The following ATF7IP variants were observed in gnomAD, a reference collection of about 807,000 sequenced individuals.
ATF7IP encodes the protein activating transcription factor 7 interacting protein.
Under a neutral mutation model 106.4 loss-of-function variants are expected in ATF7IP, and 23 were observed. The observed-to-expected ratio is 0.22, with a 90% confidence interval of 0.16 to 0.31. The LOEUF (loss-of-function observed/expected upper bound fraction) is 0.31. Among genes scored for constraint, ATF7IP ranks in the 10% least tolerant of loss-of-function variants. The pLI is 1.00. For synonymous variants in ATF7IP, 542 were observed against 539.0 expected, an observed-to-expected ratio of 1.01 and a Z score of -0.08; for missense variants, 1,334 against 1,524.3, an observed-to-expected ratio of 0.88 and a Z score of 2.08.
chr12:14,385,128 C>G (rs1475003901), intron 1 of ATF7IP: 17 of 381,932 alleles, frequency 4.5e-5, no homozygotes, highest in Non-Finnish European at 4.7e-6. Context: ...TTTTCTGTGT[C>G]CTGTGTAGCT....
chr12:14,501,936 A>C lies in ATF7IP; in HGVS notation c.*3863A>C, dbSNP rs538470420. On this transcript the variant is annotated 3_prime_UTR_variant, in exon 15 of 15. Transcript: ENST00000261168. ...TGGTATTCATTTATCTTGTTTCATGAACTTTCCAGTACTGTACAAGGTCAA... is the reference window on the plus strand; with the variant it reads ...TGGTATTCATTTATCTTGTTTCATGCACTTTCCAGTACTGTACAAGGTCAA... The C allele has an allele frequency of 6.6e-6, 1 of 152,366 alleles. No homozygotes were observed. Among genetic ancestry groups the C allele is most frequent in the South Asian group, 2.1e-4 (1 of 4,832 alleles). The allele number at this position is 152,366 out of a possible 1,614,324, so 9.4% of individuals were successfully genotyped here. A position where few individuals can be genotyped will look rare whatever the true frequency, so the allele number is the denominator to read the frequency against.
intron 1 of ATF7IP, among the ~76,000 whole-genome samples, chr12:14,386,510 G>A (rs1454372262): frequency 6.6e-6 from 1 of 152,072 alleles, no homozygotes; most frequent in East Asian, 1.9e-4. Context: ...GAGTAGAGCA[G>A]CTTTCTAAAA....
At chr12:14,467,436 C>G (rs980472894) in intron 10 of ATF7IP, among the ~76,000 whole-genome samples, 12 of 152,134 alleles carry the variant, frequency 7.9e-5, no homozygotes, top group African/African-American at 2.9e-4. Flanking sequence ...AATATCTTAA[C>G]TTCTTAGAAA....
intron 6 of ATF7IP, among the ~76,000 whole-genome samples, chr12:14,453,935 A>G (rs1202024577): frequency 1.3e-5 from 2 of 152,154 alleles, no homozygotes; most frequent in African/African-American, 4.8e-5. Flanking sequence ...AGAGTGTCTT[A>G]ATGATAGTTA....
rs551743672 is a variant in ATF7IP, at chr12:14,502,643, A to C, written c.*4570A>C. On this transcript the variant is annotated 3_prime_UTR_variant, in exon 15 of 15. Transcript: ENST00000261168. The stretch of plus-strand genomic sequence containing the variant: ...AGCCATTTTAAAATTAAATATAAAA[A>C]TCCTTTGTAAGAAACTTGCATCCTA... 2 of 152,278 alleles carry C rather than the reference A, an allele frequency of 1.3e-5. No homozygotes were observed. Among genetic ancestry groups the C allele is most frequent in the South Asian group, 4.1e-4 (2 of 4,828 alleles). 9.4% of individuals were successfully genotyped at this position (152,278 alleles called of 1,614,324 possible).
chr12:14,452,479 C>T (rs1413402870), intron 6 of ATF7IP, among the ~76,000 whole-genome samples: 3 of 151,560 alleles, frequency 2.0e-5, no homozygotes, highest in African/African-American at 7.3e-5. Flanking sequence ...TGCTTTCATT[C>T]CTTTTACAGT....
In ATF7IP at chr12:14,423,922, A is replaced by G; in HGVS notation, c.7A>G (p.Ser3Gly). The G allele has an allele frequency of 1.3e-6, 2 of 1,588,964 alleles. No individual in the cohort carries two copies. Among genetic ancestry groups the G allele is most frequent in the Non-Finnish European group, 8.5e-7 (1 of 1,170,464 alleles). The change falls in exon 2 of 15, where the codon AGT (serine) becomes GGT (glycine). Residue 3 changes from serine (S) to glycine (G), a missense_variant. By Grantham distance (56) the Ser-to-Gly change is moderately conservative. Coordinates refer to ENST00000261168, the MANE Select transcript of ATF7IP (RefSeq NM_018179.5). MD[S>G]LEEPQKKVFK... The stretch of plus-strand genomic sequence containing the variant: ...TTTTTCTTAAAGATTCAGAATGGAC[A>G]GTTTAGAAGAACCTCAGAAAAAAGT...
At chr12:14,456,753 C>T in intron 7 of ATF7IP, 119 bp downstream of exon 7, 1 of 699,508 alleles carries the variant, frequency 1.4e-6, no homozygotes, top group Non-Finnish European at 2.4e-6. Context: ...GTTTGGTGTA[C>T]TTGGTTAGTA....
chr12:14,483,089 C>G (rs1944479823), intron 13 of ATF7IP, among the ~76,000 whole-genome samples: 1 of 152,206 alleles, frequency 6.6e-6, no homozygotes, highest in South Asian at 2.1e-4. Flanking sequence ...GAGTTGGCAA[C>G]TGGTCACATG....
intron 6 of ATF7IP, among the ~76,000 whole-genome samples, chr12:14,453,593 TTC>T (rs933149471): frequency 7.2e-5 from 11 of 152,244 alleles, no homozygotes; most frequent in Middle Eastern, 3.4e-3. Flanking sequence ...TTTTGCTGTT[TTC>T]TGTCGTCTCT....
intron 1 of ATF7IP, chr12:14,385,380 T>C: frequency 1.3e-6 from 2 of 1,533,962 alleles, no homozygotes; most frequent in Non-Finnish European, 1.7e-6. Context: ...AGGAGACTTG[T>C]CACATGCATC....
intron 10 of ATF7IP, among the ~76,000 whole-genome samples, chr12:14,471,945 G>GTCTT (rs1157166337): frequency 2.0e-5 from 3 of 152,048 alleles, no homozygotes; most frequent in Admixed American, 2.0e-4. Context: ...ATGATCATTG[G>GTCTT]AAAAAGGCAA....
At chr12:14,408,924 T>C (rs1045438141) in intron 1 of ATF7IP, among the ~76,000 whole-genome samples, 1 of 152,130 alleles carries the variant, frequency 6.6e-6, no homozygotes, top group Non-Finnish European at 1.5e-5. Context: ...TTAATTGTAT[T>C]CTATGTGCTC....
intron 6 of ATF7IP, among the ~76,000 whole-genome samples, chr12:14,448,158 T>C (rs1214885630): frequency 6.6e-6 from 1 of 152,192 alleles, no homozygotes; most frequent in East Asian, 1.9e-4. Flanking sequence ...TATCAATAAA[T>C]AGTAATCATT....
Position 14,500,796 on chromosome 12 carries a change from T to C in ATF7IP, c.*2723T>C, listed in dbSNP as rs1050129461. On this transcript the variant is annotated 3_prime_UTR_variant, in exon 15 of 15. Coordinates refer to ENST00000261168, the MANE Select transcript of ATF7IP (RefSeq NM_018179.5). Reference sequence around the variant, plus strand: ...AAAGCCCAGTAGAATAAAAAAAAAATTCATTAGCCTAGCCTATATTATGTT... The same window carrying C: ...AAAGCCCAGTAGAATAAAAAAAAAACTCATTAGCCTAGCCTATATTATGTT... 6.6e-6 allele frequency: 1 copy of C among 152,058 alleles called. No homozygotes were observed. The highest frequency in any genetic ancestry group is 6.6e-5 in the Admixed American group (1 of 15,248). 9.4% of individuals were successfully genotyped at this position (152,058 alleles called of 1,614,324 possible).
intron 1 of ATF7IP, chr12:14,369,051 A>G (rs913893226): frequency 3.3e-5 from 5 of 151,764 alleles, no homozygotes; most frequent in Non-Finnish European, 7.4e-5. Context: ...CCCAGGCTCA[A>G]GCAATTCTCC....
chr12:14,422,085 A>C (rs1280618192), intron 1 of ATF7IP, among the ~76,000 whole-genome samples: 1 of 152,198 alleles, frequency 6.6e-6, no homozygotes, highest in African/African-American at 2.4e-5. Context: ...ACATTACAAA[A>C]GAAGAAAGAT....
At chr12:14,488,668 C>G (rs546279346) in intron 13 of ATF7IP, among the ~76,000 whole-genome samples, 4 of 152,264 alleles carry the variant, frequency 2.6e-5, no homozygotes, top group Admixed American at 2.0e-4. Flanking sequence ...CGCTTGTCAA[C>G]CTGAACCCAT....
At chr12:14,463,530 A>G (rs548243749) in intron 9 of ATF7IP, among the ~76,000 whole-genome samples, 1 of 152,350 alleles carries the variant, frequency 6.6e-6, no homozygotes, top group East Asian at 1.9e-4. Context: ...TATAAATGTG[A>G]TGAGTGTTAG....
Sources: allele counts gnomAD v4.1 joint callset (sites outside exome capture counted in the v4.1 genomes callset), GRCh38; gene constraint gnomAD v4.1.1; transcripts MANE v1.5; gene names NCBI Gene and HGNC (gene_info 2026-07-23, HGNC 2026-07-21).